The following CADPS variants were observed in gnomAD, a reference collection of about 807,000 sequenced individuals.
CADPS encodes calcium dependent secretion activator, also known as calcium-dependent secretion activator 1.
CADPS carries 57 observed loss-of-function variants against 167.3 expected under a neutral mutation model. That is an observed-to-expected ratio of 0.34 (90% CI 0.28 to 0.42). CADPS has a LOEUF of 0.42. Among genes scored for constraint, CADPS ranks in the 20% least tolerant of loss-of-function variants. The pLI is 1.00. For missense variants in CADPS, 1,414 were observed against 1,738.1 expected (o/e 0.81, Z 3.32); for synonymous variants, 676 against 635.3 (o/e 1.06, Z -0.96).
chr3:62,665,912 G>T (rs2074316787), intron 3 of CADPS, among the ~76,000 whole-genome samples: 1 of 152,186 alleles, frequency 6.6e-6, no homozygotes, highest in African/African-American at 2.4e-5. Flanking sequence ...CCATGGCTTG[G>T]CATGCAGCAA....
rs541201691 is a variant in CADPS at position 62,715,275 on chromosome 3, A to G, written c.888+38166T>C. ...TTTAGCACATGTGAGGTATTTAGCC[A>G]GGACTAGAGGTGCCCACCACCACTC... On this transcript the variant is annotated intron_variant, in intron 3 of 29. Transcript: ENST00000383710. Among the ~76,000 whole-genome samples, 16 of 152,204 alleles carry G rather than the reference A, an allele frequency of 1.1e-4. No homozygotes were observed. The South Asian group carries it at 2.7e-3, about 26-fold the overall frequency.
At chr3:62,693,569 G>T in intron 3 of CADPS, among the ~76,000 whole-genome samples, 1 of 151,944 alleles carries the variant, frequency 6.6e-6, no homozygotes. Flanking sequence ...ATCACTTGAG[G>T]TCAGGAGTTC....
rs11393225 is a variant in CADPS at position 62,424,190 on chromosome 3, CT to C, written c.3777+13913del. On this transcript the variant is annotated intron_variant, in intron 28 of 29. Transcript: ENST00000383710. ...TCGCAGTGCAATTCTGGATAATTCA[CT>C]TTTTTTTTTTGAGACGGAGTCTCAC... Among the ~76,000 whole-genome samples the C allele has an allele frequency of 2.6e-3, 379 of 148,236 alleles. 2 individuals carry two copies. Among genetic ancestry groups the C allele is most frequent in the African/African-American group, 8.3e-3 (339 of 40,704 alleles).
intron 3 of CADPS, among the ~76,000 whole-genome samples, chr3:62,740,909 A>C (rs910731390): frequency 1.3e-5 from 2 of 152,212 alleles, no homozygotes; most frequent in African/African-American, 4.8e-5. Context: ...TATATATTAC[A>C]ATTGTCTACT....
At chr3:62,733,975 G>C (rs188222947) in intron 3 of CADPS, among the ~76,000 whole-genome samples, 1 of 151,950 alleles carries the variant, frequency 6.6e-6, no homozygotes, top group Admixed American at 6.6e-5. Flanking sequence ...CTTTCATTCC[G>C]TTTTACGGTG....
intron 1 of CADPS, among the ~76,000 whole-genome samples, chr3:62,853,398 AT>A (rs1286065870): frequency 6.7e-6 from 1 of 150,044 alleles, no homozygotes; most frequent in Non-Finnish European, 1.5e-5. Flanking sequence ...GCTGAGGTGG[AT>A]GGGTCACCTG....
chr3:62,790,497 G>A (rs1230832805), intron 1 of CADPS, among the ~76,000 whole-genome samples: 1 of 152,058 alleles, frequency 6.6e-6, no homozygotes, highest in Non-Finnish European at 1.5e-5. Flanking sequence ...GAAGTAAACA[G>A]TGCTATATTT....
chr3:62,458,992 C>G lies in CADPS; in HGVS notation c.3636+6375G>C, dbSNP rs994050680. Among the ~76,000 whole-genome samples the G allele has an allele frequency of 6.6e-6, 1 of 152,176 alleles. No homozygotes were observed. Among genetic ancestry groups the G allele is most frequent in the Non-Finnish European group, 1.5e-5 (1 of 68,032 alleles). ...ACAGCAAGTGTGTTAATTGTTAACTCCATTTTCATGGCATCAACTGGAAAT... is the reference window on the plus strand; with the variant it reads ...ACAGCAAGTGTGTTAATTGTTAACTGCATTTTCATGGCATCAACTGGAAAT... On this transcript the variant is annotated intron_variant, in intron 26 of 29. Transcript: ENST00000383710. The surrounding 1 kb of genome is among the most constrained non-coding windows in gnomAD (Gnocchi z 4.6).
rs1184697500 is a variant in CADPS, at chr3:62,532,724, TGTG to T, written c.2291+144_2291+146del. 120 of 367,096 alleles carry T rather than the reference TGTG, an allele frequency of 3.3e-4. 3 individuals are homozygous for T. The highest frequency in any genetic ancestry group is 2.2e-3 in the Middle Eastern group (3 of 1,338). 22.7% of individuals were successfully genotyped at this position (367,096 alleles called of 1,614,324 possible). A position where few individuals can be genotyped will look rare whatever the true frequency, so the allele number is the denominator to read the frequency against. On this transcript the variant is annotated intron_variant, in intron 13 of 29. Coordinates refer to ENST00000383710, the MANE Select transcript of CADPS (RefSeq NM_003716.4). ...GAAGAAAGTTAGTGCCCTTTGTGTG[TGTG>T]TGTGTGTGTGTGTGTGTGTGTGTAC... is the stretch of plus-strand genomic sequence containing the variant.
intron 18 of CADPS, among the ~76,000 whole-genome samples, chr3:62,495,742 T>C (rs1561240065): frequency 6.6e-6 from 1 of 152,188 alleles, no homozygotes; most frequent in South Asian, 2.1e-4. Flanking sequence ...GTAGCAACCA[T>C]ACATGAAGGC....
At chr3:62,430,166 T>C (rs2053628668) in intron 28 of CADPS, among the ~76,000 whole-genome samples, 1 of 152,212 alleles carries the variant, frequency 6.6e-6, no homozygotes. Context: ...CCTTATCTTT[T>C]TTTGTATGCA....
chr3:62,836,790 A>C (rs1320152425), intron 1 of CADPS, among the ~76,000 whole-genome samples: 1 of 152,136 alleles, frequency 6.6e-6, no homozygotes, highest in Non-Finnish European at 1.5e-5. Context: ...TTTGAGACCA[A>C]TCCTGGAACT....
At chr3:62,492,601 T>C (rs773545048) in intron 19 of CADPS, among the ~76,000 whole-genome samples, 155 bp from the exon 20 acceptor site, 9 of 152,164 alleles carry the variant, frequency 5.9e-5, no homozygotes, top group Non-Finnish European at 1.2e-4. Flanking sequence ...TTTGATACAA[T>C]TGGGGTGTTA....
At chr3:62,571,932 G>T (rs192760186) in intron 8 of CADPS, among the ~76,000 whole-genome samples, 3 of 152,224 alleles carry the variant, frequency 2.0e-5, no homozygotes, top group Non-Finnish European at 1.5e-5. Flanking sequence ...ATATTGAACT[G>T]GCACCGATCT....
chr3:62,831,987 C>G (rs1172599655), intron 1 of CADPS, among the ~76,000 whole-genome samples: 2 of 152,180 alleles, frequency 1.3e-5, no homozygotes, highest in Admixed American at 6.5e-5. Flanking sequence ...CAGCTTCCCT[C>G]TGGTCAAGAT....
At chr3:62,836,761 T>C (rs1177911799) in intron 1 of CADPS, among the ~76,000 whole-genome samples, 3 of 152,192 alleles carry the variant, frequency 2.0e-5, no homozygotes, top group African/African-American at 2.4e-5. Context: ...TGAAGAATTT[T>C]AAACCAATAA....
At chr3:62,518,418 G>C (rs996777900) in intron 13 of CADPS, among the ~76,000 whole-genome samples, 168 bp from the exon 14 acceptor site, 1 of 152,190 alleles carries the variant, frequency 6.6e-6, no homozygotes, top group Non-Finnish European at 1.5e-5. Context: ...GCGTTGGGTT[G>C]TGTTTGGGTT....
chr3:62,857,016 A>G (rs2153150960), intron 1 of CADPS, among the ~76,000 whole-genome samples: 1 of 152,092 alleles, frequency 6.6e-6, no homozygotes, highest in East Asian at 1.9e-4. Flanking sequence ...CTGTTCAGCT[A>G]GACATAAATA....
chr3:62,463,393 C>T (rs566877803), intron 26 of CADPS, among the ~76,000 whole-genome samples: 15 of 152,278 alleles, frequency 9.9e-5, no homozygotes, highest in South Asian at 2.1e-4. Context: ...ATGTCTTCTA[C>T]GGGTGTCAGG....
Sources: gnomAD v4.1 joint callset for allele counts (sites outside exome capture counted in the v4.1 genomes callset) on GRCh38, gnomAD v4.1.1 for gene constraint, Gnocchi (gnomAD v3.1) non-coding constraint, MANE v1.5 for transcripts, NCBI Gene and HGNC (gene_info 2026-07-23, HGNC 2026-07-21) for gene names.